The following DPP9 variants were observed in gnomAD, a reference collection of about 807,000 sequenced individuals.
DPP9 encodes the protein dipeptidyl peptidase 9.
Under a neutral mutation model 110.7 loss-of-function variants are expected in DPP9, and 50 were observed. That is an observed-to-expected ratio of 0.45 (90% CI 0.36 to 0.57). The LOEUF is 0.57. Among genes scored for constraint, DPP9 ranks in the 20% least tolerant of loss-of-function variants. DPP9 has a pLI of 0.00. For missense variants in DPP9, 1,022 were observed against 1,217.9 expected (o/e 0.84, Z 2.39); for synonymous variants, 561 against 514.4 (o/e 1.09, Z -1.23).
In DPP9 at chr19:4,689,583, C is replaced by T; in HGVS notation, c.1736G>A (p.Cys579Tyr). ...GGGCGGTCCCACCTGGCTCATGGAGCAGCTATGGGAGAAGCCGGGCGTGGT... is the reference window on the plus strand; with the variant it reads ...GGGCGGTCCCACCTGGCTCATGGAGTAGCTATGGGAGAAGCCGGGCGTGGT... Reference protein sequence around the residue: ...RLTTPGFSHSCSMSQNFDMFV... With the variant: ...RLTTPGFSHSYSMSQNFDMFV... The change falls in exon 15 of 22, where the codon TGC (cysteine) becomes TAC (tyrosine). Residue 579 changes from cysteine (C) to tyrosine (Y), a missense_variant. Physicochemically the swap from Cys to Tyr is radical, Grantham distance 194. Coordinates refer to ENST00000262960, the MANE Select transcript of DPP9 (RefSeq NM_139159.5). This position sits in a 1 kb window ranked among gnomAD's most constrained non-coding sequence, Gnocchi z 7.0. 1 of 1,564,972 alleles carries T rather than the reference C, an allele frequency of 6.4e-7. No individual in the cohort carries two copies. Among genetic ancestry groups the T allele is most frequent in the Non-Finnish European group, 8.6e-7 (1 of 1,157,244 alleles).
Position 4,695,380 on chromosome 19 carries a change from T to G in DPP9, c.1351A>C (p.Asn451His). 6.4e-7 allele frequency: 1 copy of G among 1,569,920 alleles called. No homozygotes were observed. Among genetic ancestry groups the G allele is most frequent in the Non-Finnish European group, 8.6e-7 (1 of 1,157,484 alleles). ...VYEEVTNVWI[N>H]VHDIFYPFPQ... ...CAGCCAGCGCTTGCCCCGCTTACAT[T>G]GATCCAGACGTTGGTGACCTCCTCG... The change falls in exon 12 of 22, where the codon AAT (asparagine) becomes CAT (histidine). Residue 451 changes from asparagine (N) to histidine (H), a missense_variant and splice_region_variant. Around this residue, in one of 3 missense-constraint regions of DPP9, gnomAD observed 810 missense variants for 920.6 expected, o/e 0.88. Transcript: ENST00000262960. This position sits in a 1 kb window ranked among gnomAD's most constrained non-coding sequence, Gnocchi z 4.7.
At chr19:4,701,190 CG>C (rs1445314700) in intron 9 of DPP9, among the ~76,000 whole-genome samples, 2 of 152,128 alleles carry the variant, frequency 1.3e-5, no homozygotes, top group Non-Finnish European at 2.9e-5. Flanking sequence ...TGGGAGTGGC[CG>C]GGCGTGTGGC....
rs954598012 is a variant in DPP9, at chr19:4,695,622, C to G, written c.1176-67G>C. 7.4e-7 allele frequency: 1 copy of G among 1,347,468 alleles called. No homozygotes were observed. The highest frequency in any genetic ancestry group is 9.8e-7 in the Non-Finnish European group (1 of 1,021,902). 83.5% of individuals were successfully genotyped at this position (1,347,468 alleles called of 1,614,324 possible). ...AGCCTCAGTGGCCTGCACAGAGAAGCTGGGGACGCAGCGTCCAAACCCGTG... is the reference window on the plus strand; with the variant it reads ...AGCCTCAGTGGCCTGCACAGAGAAGGTGGGGACGCAGCGTCCAAACCCGTG... On this transcript the variant is annotated intron_variant, in intron 11 of 21. Transcript: ENST00000262960. This position sits in a 1 kb window ranked among gnomAD's most constrained non-coding sequence, Gnocchi z 4.7.
Position 4,695,481 on chromosome 19 carries a change from G to A in DPP9, c.1250C>T (p.Pro417Leu), listed in dbSNP as rs767428774. 184 of 1,574,498 alleles carry A rather than the reference G, an allele frequency of 1.2e-4. No homozygotes were observed. The highest frequency in any genetic ancestry group is 1.5e-4 in the Non-Finnish European group (172 of 1,161,724). The change falls in exon 12 of 22, where the codon CCG becomes CTG. Residue 417 changes from proline (P) to leucine (L), a missense_variant. Pro to Leu is a moderately conservative substitution (Grantham distance 98). Around this residue, in one of 3 missense-constraint regions of DPP9, gnomAD observed 810 missense variants for 920.6 expected, o/e 0.88. Transcript: ENST00000262960. This position sits in a 1 kb window ranked among gnomAD's most constrained non-coding sequence, Gnocchi z 4.7. ...CCGCTGCTCCTCATTCTCTGTGCTC[G>A]GGATGAACAGGGCCGGGGGGAGGAG... Reference protein sequence around the residue: ...LVLLPPALFIPSTENEEQRLA... With the variant: ...LVLLPPALFILSTENEEQRLA...
Position 4,702,046 on chromosome 19 carries a change from C to A in DPP9, c.993G>T (p.Ser331=). 6.2e-7 allele frequency: 1 copy of A among 1,613,816 alleles called. No individual in the cohort carries two copies. Among genetic ancestry groups the A allele is most frequent in the East Asian group, 2.2e-5 (1 of 44,892 alleles). The part of the protein sequence containing the change: ...SPALEERKTD[S]YRYPRTGSKN... Reference sequence around the variant, plus strand: ...ACTCACCTGTCCTGGGGTACCGATACGAGTCCGTCTTCCTTTCTTCTAGCG... The same window carrying A: ...ACTCACCTGTCCTGGGGTACCGATAAGAGTCCGTCTTCCTTTCTTCTAGCG... The change falls in exon 9 of 22, where the codon TCG becomes TCT. Residue 331 remains serine, a synonymous_variant. Coordinates refer to ENST00000262960, the MANE Select transcript of DPP9 (RefSeq NM_139159.5).
chr19:4,700,732 T>C lies in DPP9; in HGVS notation c.1013-455A>G, dbSNP rs1283475480. Among the ~76,000 whole-genome samples the C allele has an allele frequency of 9.2e-5, 14 of 152,126 alleles. No individual in the cohort carries two copies. The highest frequency in any genetic ancestry group is 9.2e-4 in the Admixed American group (14 of 15,272). ...AGGGAGCCCGTGTGACAGCCAGACCTGCGCCCTCCGGAGGCCAATGGCGAC... is the reference window on the plus strand; with the variant it reads ...AGGGAGCCCGTGTGACAGCCAGACCCGCGCCCTCCGGAGGCCAATGGCGAC... On this transcript the variant is annotated intron_variant, in intron 9 of 21. Coordinates refer to ENST00000262960, the MANE Select transcript of DPP9 (RefSeq NM_139159.5). This position sits in a 1 kb window ranked among gnomAD's most constrained non-coding sequence, Gnocchi z 4.3.
chr19:4,711,695 C>T (rs2092836685), intron 4 of DPP9, among the ~76,000 whole-genome samples: 1 of 148,084 alleles, frequency 6.8e-6, no homozygotes, highest in Admixed American at 6.9e-5. Context: ...ATCGCTTGAA[C>T]CCAGGAGGCG....
intron 5 of DPP9, among the ~76,000 whole-genome samples, chr19:4,705,470 C>A (rs900183097): frequency 6.6e-6 from 1 of 152,202 alleles, no homozygotes; most frequent in Non-Finnish European, 1.5e-5. Context: ...AATCCTCTTG[C>A]CTCGGCCTCC....
In DPP9 at chr19:4,685,032, T is replaced by C. The variant is rs750060807; in HGVS notation, c.2032-223A>G. The C allele has an allele frequency of 4.4e-6, 3 of 684,046 alleles. No homozygotes were observed. Among genetic ancestry groups the C allele is most frequent in the South Asian group, 1.5e-5 (1 of 66,584 alleles). 42.4% of individuals were successfully genotyped at this position (684,046 alleles called of 1,614,324 possible). A position where few individuals can be genotyped will look rare whatever the true frequency, so the allele number is the denominator to read the frequency against. On this transcript the variant is annotated intron_variant, in intron 17 of 21. Transcript: ENST00000262960. This position sits in a 1 kb window ranked among gnomAD's most constrained non-coding sequence, Gnocchi z 5.8. Reference sequence around the variant, plus strand: ...AGGGGGAAGGGCCACTGTCAGGCTCTTTCTCAGCTGGGCCACTGCCCCAGT... The same window carrying C: ...AGGGGGAAGGGCCACTGTCAGGCTCCTTCTCAGCTGGGCCACTGCCCCAGT...
Position 4,700,196 on chromosome 19 carries a change from T to C in DPP9, c.1074+20A>G. On this transcript the variant is annotated intron_variant, in intron 10 of 21. Coordinates refer to ENST00000262960, the MANE Select transcript of DPP9 (RefSeq NM_139159.5). This position sits in a 1 kb window ranked among gnomAD's most constrained non-coding sequence, Gnocchi z 4.3. The stretch of plus-strand genomic sequence containing the variant: ...CCGCATCATCTAGTAGATTATCTGG[T>C]ATGCAGCAGGCCCCCTTACCTTGCC... The C allele has an allele frequency of 1.9e-6, 3 of 1,542,018 alleles. No homozygotes were observed. The highest frequency in any genetic ancestry group is 2.6e-6 in the Non-Finnish European group (3 of 1,132,202).
chr19:4,693,284 T>C lies in DPP9; in HGVS notation c.1516+1377A>G, dbSNP rs1030940433. 6.6e-6 allele frequency among the ~76,000 whole-genome samples: 1 copy of C among 152,048 alleles called. No homozygotes were observed. The highest frequency in any genetic ancestry group is 1.5e-5 in the Non-Finnish European group (1 of 67,958). Reference sequence around the variant, plus strand: ...GGGCTCCCGGACCACCCCACCTCTCTATCCAGAAGTGACCCTTGGGAGCTC... The same window carrying C: ...GGGCTCCCGGACCACCCCACCTCTCCATCCAGAAGTGACCCTTGGGAGCTC... On this transcript the variant is annotated intron_variant, in intron 13 of 21. Transcript: ENST00000262960. This position sits in a 1 kb window ranked among gnomAD's most constrained non-coding sequence, Gnocchi z 5.0.
intron 11 of DPP9, among the ~76,000 whole-genome samples, chr19:4,696,325 A>AC (rs2091796655): frequency 6.6e-6 from 1 of 152,164 alleles, no homozygotes; most frequent in Non-Finnish European, 1.5e-5. Context: ...ACAGGGACAT[A>AC]AAATACTAAC....
intron 10 of DPP9, among the ~76,000 whole-genome samples, chr19:4,699,050 T>A (rs764838818): frequency 1.0e-4 from 15 of 149,624 alleles, no homozygotes; most frequent in Non-Finnish European, 2.1e-4. Context: ...TCCCAGCTAC[T>A]CGGGAGGCTG....
At position 4,710,144 on chromosome 19, in the gene DPP9, C is replaced by T. The variant is rs2092763062; in HGVS notation, c.313+3937G>A. ...CCCTGCAAACACACCTGATGCCAAC[C>T]TGTCACCCACCCATGCCCCGGTGAC... On this transcript the variant is annotated intron_variant, in intron 4 of 21. Coordinates refer to ENST00000262960, the MANE Select transcript of DPP9 (RefSeq NM_139159.5). The surrounding 1 kb of genome is among the most constrained non-coding windows in gnomAD (Gnocchi z 5.6). Among the ~76,000 whole-genome samples, 1 of 152,246 alleles carries T rather than the reference C, an allele frequency of 6.6e-6. No homozygotes were observed. Among genetic ancestry groups the T allele is most frequent in the African/African-American group, 2.4e-5 (1 of 41,470 alleles).
At chr19:4,717,770 GCCCTCCGCTGA>G (rs2093146195) in intron 3 of DPP9, 2 of 152,368 alleles carry the variant, frequency 1.3e-5, no homozygotes, top group South Asian at 4.1e-4. Context: ...CTGGAGCCTG[GCCCTCCGCTGA>G]CCTCTCTTCT....
intron 4 of DPP9, among the ~76,000 whole-genome samples, chr19:4,706,254 T>C (rs111626507): frequency 0.098 from 14,372 of 146,304 alleles, 777 homozygotes; most frequent in Middle Eastern, 0.18. Flanking sequence ...CCCAGCACTT[T>C]GGGAGGCCGA....
At chr19:4,679,106 A>C (rs2089377030) in intron 21 of DPP9, among the ~76,000 whole-genome samples, 2 of 85,794 alleles carry the variant, frequency 2.3e-5, no homozygotes, top group Non-Finnish European at 4.6e-5. Context: ...CACCCTCCTC[A>C]CCGCTGAGGC....
chr19:4,680,412 GAAAAAC>G (rs59514816), intron 20 of DPP9, among the ~76,000 whole-genome samples: 18 of 149,958 alleles, frequency 1.2e-4, no homozygotes, highest in African/African-American at 3.2e-4. Context: ...CTCTAAATTA[GAAAAAC>G]AAAAACAAAA....
At position 4,689,829 on chromosome 19, in the gene DPP9, C is replaced by T. The variant is rs2091149314; in HGVS notation, c.1597-107G>A. 8.1e-7 allele frequency: 1 copy of T among 1,228,604 alleles called. No individual in the cohort carries two copies. The highest frequency in any genetic ancestry group is 2.7e-5 in the East Asian group (1 of 37,308). 76.1% of individuals were successfully genotyped at this position (1,228,604 alleles called of 1,614,324 possible). A position where few individuals can be genotyped will look rare whatever the true frequency, so the allele number is the denominator to read the frequency against. On this transcript the variant is annotated intron_variant, in intron 14 of 21. Transcript: ENST00000262960. This position sits in a 1 kb window ranked among gnomAD's most constrained non-coding sequence, Gnocchi z 7.0. ...CCCCATGTTCCTCGGACTGGGGACGCATGCTGTCCTCGCCCAAGTCTGGCT... is the reference window on the plus strand; with the variant it reads ...CCCCATGTTCCTCGGACTGGGGACGTATGCTGTCCTCGCCCAAGTCTGGCT...
Sources: gnomAD v4.1 joint callset for allele counts (sites outside exome capture counted in the v4.1 genomes callset) on GRCh38, gnomAD v4.1.1 for gene constraint, gnomAD v4.1.1 regional missense constraint, Gnocchi (gnomAD v3.1) non-coding constraint, MANE v1.5 for transcripts, NCBI Gene and HGNC (gene_info 2026-07-23, HGNC 2026-07-21) for gene names.